BMP7: variants seen among roughly 807,000 people sequenced by gnomAD.
BMP7 encodes bone morphogenetic protein 7.
Under a neutral mutation model 41.2 loss-of-function variants are expected in BMP7, and 12 were observed. The ratio of observed to expected loss-of-function variants is 0.29; its 90% CI spans 0.19 to 0.47. BMP7 has a LOEUF of 0.47. Ranked by LOEUF, BMP7 falls within the 20% of genes least tolerant of loss-of-function variation. The pLI, the probability that BMP7 is intolerant of heterozygous loss-of-function variation, is 0.99. For missense variants in BMP7, 467 were observed against 606.0 expected (o/e 0.77, Z 2.41); for synonymous variants, 248 against 250.0 (o/e 0.99, Z 0.07).
rs574448084 is a variant in BMP7 at position 57,227,429 on chromosome 20, G to A, written c.611+800C>T. 6.9e-5 allele frequency among the ~76,000 whole-genome samples: 9 copies of A among 130,844 alleles called. No individual in the cohort carries two copies. In the East Asian group the frequency reaches 7.6e-4, roughly 11 times the overall value. 85.8% of individuals were successfully genotyped at this position (130,844 alleles called of 152,430 possible). On this transcript the variant is annotated intron_variant, in intron 2 of 6. Coordinates refer to ENST00000395863, the MANE Select transcript of BMP7 (RefSeq NM_001719.3). Reference sequence around the variant, plus strand: ...CACCAAATAGCAGTGCTTGGCAAACGTAGCTGTGATGGTTCTTCTGTCCCT... The same window carrying A: ...CACCAAATAGCAGTGCTTGGCAAACATAGCTGTGATGGTTCTTCTGTCCCT...
At chr20:57,217,984 G>A (rs1018817177) in intron 2 of BMP7, among the ~76,000 whole-genome samples, 18 of 152,192 alleles carry the variant, frequency 1.2e-4, no homozygotes, top group African/African-American at 4.1e-4. Context: ...GGCTGGGGCT[G>A]AAAGGTATCT....
chr20:57,201,715 C>T (rs200460114), intron 3 of BMP7, among the ~76,000 whole-genome samples: 1 of 152,202 alleles, frequency 6.6e-6, no homozygotes, highest in Non-Finnish European at 1.5e-5. Context: ...GAAACCATCA[C>T]CACTGAATTT....
intron 3 of BMP7, among the ~76,000 whole-genome samples, chr20:57,186,736 C>T (rs765226859): frequency 5.9e-5 from 9 of 152,150 alleles, no homozygotes; most frequent in Non-Finnish European, 1.2e-4. Context: ...GTCCCCCAGA[C>T]GGGCCAGAAG....
chr20:57,257,171 C>A (rs2146030942), intron 1 of BMP7, among the ~76,000 whole-genome samples: 1 of 152,224 alleles, frequency 6.6e-6, no homozygotes, highest in African/African-American at 2.4e-5. Flanking sequence ...AAATGAAAAA[C>A]AAACTTCTGG....
At chr20:57,178,448 G>A (rs938557736) in intron 4 of BMP7, among the ~76,000 whole-genome samples, 2 of 152,116 alleles carry the variant, frequency 1.3e-5, no homozygotes, top group Admixed American at 6.5e-5. Flanking sequence ...CACCCTCCGT[G>A]GGGGAGTAGC....
rs1314198114 is a variant in BMP7, at chr20:57,214,473, G to A, written c.612-11850C>T. On this transcript the variant is annotated intron_variant, in intron 2 of 6. Transcript: ENST00000395863. This position sits in a 1 kb window ranked among gnomAD's most constrained non-coding sequence, Gnocchi z 4.0. ...CTGGGGAGAGAGAGGAGGCATTATT[G>A]TCAACTCCAGGTCATCCAACCTGTA... 2.6e-5 allele frequency among the ~76,000 whole-genome samples: 4 copies of A among 152,134 alleles called. No homozygotes were observed. Among genetic ancestry groups the A allele is most frequent in the Non-Finnish European group, 4.4e-5 (3 of 68,012 alleles).
chr20:57,255,997 G>A (rs1030295023), intron 1 of BMP7, among the ~76,000 whole-genome samples: 3 of 151,926 alleles, frequency 2.0e-5, no homozygotes, highest in Admixed American at 1.3e-4. Context: ...ATAGTGAACC[G>A]GACAAAAGCT....
chr20:57,207,207 G>A (rs769241152), intron 2 of BMP7, among the ~76,000 whole-genome samples: 3 of 152,160 alleles, frequency 2.0e-5, no homozygotes, highest in Middle Eastern at 3.2e-3. Flanking sequence ...CCACTGAATC[G>A]AGAAATCTGA....
chr20:57,220,950 G>C (rs1985176214), intron 2 of BMP7, among the ~76,000 whole-genome samples: 1 of 152,124 alleles, frequency 6.6e-6, no homozygotes, highest in Admixed American at 6.5e-5. Context: ...TTGTACATGC[G>C]CTCAGGCACA....
rs775949185 is a variant in BMP7 at position 57,171,926 on chromosome 20, A to G, written c.1147-818T>C. ...AATGATTTTAAAGCAAATTCCAGCCATCAGCTCATTTCCTCTGGAAGCATT... is the reference window on the plus strand; with the variant it reads ...AATGATTTTAAAGCAAATTCCAGCCGTCAGCTCATTTCCTCTGGAAGCATT... On this transcript the variant is annotated intron_variant, in intron 6 of 6. Coordinates refer to ENST00000395863, the MANE Select transcript of BMP7 (RefSeq NM_001719.3). This position sits in a 1 kb window ranked among gnomAD's most constrained non-coding sequence, Gnocchi z 4.5. Among the ~76,000 whole-genome samples the G allele has an allele frequency of 6.6e-6, 1 of 152,252 alleles. No individual in the cohort carries two copies. Among genetic ancestry groups the G allele is most frequent in the Non-Finnish European group, 1.5e-5 (1 of 68,042 alleles).
intron 1 of BMP7, among the ~76,000 whole-genome samples, chr20:57,235,116 T>C (rs2066042759): frequency 6.6e-6 from 1 of 152,258 alleles, no homozygotes; most frequent in Non-Finnish European, 1.5e-5. Flanking sequence ...GACCTGACTA[T>C]GGAATCACAG....
At chr20:57,250,084 T>A (rs2066106013) in intron 1 of BMP7, among the ~76,000 whole-genome samples, 1 of 152,078 alleles carries the variant, frequency 6.6e-6, no homozygotes, top group Non-Finnish European at 1.5e-5. Context: ...TAAAAATAAA[T>A]GTTGAAATCA....
rs1041615175 is a variant in BMP7, at chr20:57,259,083, T to G, written c.418+6622A>C. ...TCACACAGCTAATGTGCTGTCATAG[T>G]GGAAACAGACACATAGGTTTAGGCT... On this transcript the variant is annotated intron_variant, in intron 1 of 6. Coordinates refer to ENST00000395863, the MANE Select transcript of BMP7 (RefSeq NM_001719.3). The surrounding 1 kb of genome is among the most constrained non-coding windows in gnomAD (Gnocchi z 4.7). Among the ~76,000 whole-genome samples the G allele has an allele frequency of 3.3e-5, 5 of 152,124 alleles. No individual in the cohort carries two copies. Among genetic ancestry groups the G allele is most frequent in the Non-Finnish European group, 5.9e-5 (4 of 68,018 alleles).
At chr20:57,173,425 C>G (rs934507720) in intron 5 of BMP7, 115 bp from the exon 6 acceptor site, 21 of 990,656 alleles carry the variant, frequency 2.1e-5, no homozygotes, top group Non-Finnish European at 3.1e-5. Flanking sequence ...GTGGAAGCCT[C>G]AGACCATGCC....
At position 57,183,785 on chromosome 20, in the gene BMP7, G is replaced by A. The variant is rs1247818896; in HGVS notation, c.895C>T (p.Arg299Cys). 1.2e-6 allele frequency: 2 copies of A among 1,614,062 alleles called. No individual in the cohort carries two copies. The highest frequency in any genetic ancestry group is 1.7e-6 in the Non-Finnish European group (2 of 1,180,040). ...RSIRSTGSKQ[R>C]SQNRSKTPKN... is the part of the protein sequence containing the mutation. ...GGCGTCTTGGAGCGGTTCTGGCTGC[G>A]CTGTTTGCTCCCCGTGGACCGGATG... is the stretch of plus-strand genomic sequence containing the variant. The change falls in exon 4 of 7, where the codon CGC (arginine) becomes TGC (cysteine). Residue 299 changes from arginine to cysteine, a missense_variant. Physicochemically the swap from Arg to Cys is radical, Grantham distance 180 (BLOSUM62 -3). Transcript: ENST00000395863.
intron 1 of BMP7, among the ~76,000 whole-genome samples, chr20:57,231,474 T>C (rs1384782001): frequency 6.6e-6 from 1 of 152,202 alleles, no homozygotes; most frequent in Admixed American, 6.5e-5. Flanking sequence ...TTCATGAGTA[T>C]GCTAGGAGAG....
chr20:57,202,686 C>A, intron 2 of BMP7, 63 bp from the exon 3 acceptor site: 2 of 1,503,494 alleles, frequency 1.3e-6, no homozygotes, highest in East Asian at 2.5e-5. Context: ...ACTACCCCAA[C>A]AGATGGGAAG....
Position 57,183,867 on chromosome 20 carries a change from C to T in BMP7, c.813G>A (p.Gln271=), listed in dbSNP as rs1213952160. The T allele has an allele frequency of 1.9e-6, 3 of 1,614,052 alleles. No homozygotes were observed. The highest frequency in any genetic ancestry group is 3.3e-5 in the Admixed American group (2 of 60,006). The change falls in exon 4 of 7, where the codon CAG becomes CAA. Residue 271 remains glutamine, a synonymous_variant. Coordinates refer to ENST00000395863, the MANE Select transcript of BMP7 (RefSeq NM_001719.3). ...LAGLIGRHGP[Q]NKQPFMVAFF... is the part of the protein sequence containing the mutation. ...AAGCCACCATGAAGGGCTGCTTGTT[C>T]TGGGGCCCGTGCCGCCCAATCAGGC...
At chr20:57,250,850 T>C (rs1442475009) in intron 1 of BMP7, among the ~76,000 whole-genome samples, 1 of 152,180 alleles carries the variant, frequency 6.6e-6, no homozygotes, top group Non-Finnish European at 1.5e-5. Flanking sequence ...ATAACAGGAT[T>C]CGTCAAAATA....
Sources: gnomAD v4.1 joint callset for allele counts (sites outside exome capture counted in the v4.1 genomes callset) on GRCh38, gnomAD v4.1.1 for gene constraint, Gnocchi (gnomAD v3.1) non-coding constraint, MANE v1.5 for transcripts, NCBI Gene and HGNC (gene_info 2026-07-23, HGNC 2026-07-21) for gene names.